AK5: variants seen among roughly 807,000 people sequenced by gnomAD.
AK5 encodes adenylate kinase 5, also known as adenylate kinase isoenzyme 5.
Under a neutral mutation model 69.5 loss-of-function variants are expected in AK5, and 27 were observed. The ratio of observed to expected loss-of-function variants is 0.39; its 90% CI spans 0.29 to 0.54. The LOEUF (loss-of-function observed/expected upper bound fraction) is 0.54, where lower values mean the gene tolerates loss of function less well. Ranked by LOEUF, AK5 falls within the 20% of genes least tolerant of loss-of-function variation. The pLI, the probability that AK5 is intolerant of heterozygous loss-of-function variation, is 0.71. For synonymous variants in AK5, 260 were observed against 244.4 expected (o/e 1.06, Z -0.60); for missense variants, 531 against 700.4 (o/e 0.76, Z 2.73).
At position 77,310,061 on chromosome 1, in the gene AK5, T is replaced by C. The variant is rs568570113; in HGVS notation, c.699+12114T>C. ...TATAGTTTTCTAGTTATTTTTAGTT[T>C]TGTTTTAAAGGTCCAGGTATTTATT... On this transcript the variant is annotated intron_variant, in intron 5 of 13. Coordinates refer to ENST00000354567, the MANE Select transcript of AK5 (RefSeq NM_174858.3). Among the ~76,000 whole-genome samples, 4 of 152,284 alleles carry C rather than the reference T, an allele frequency of 2.6e-5. No homozygotes were observed. The South Asian group carries it at 8.3e-4, about 32-fold the overall frequency.
At chr1:77,282,414 C>A in intron 1 of AK5, 41 bp downstream of exon 1, 1 of 1,529,884 alleles carries the variant, frequency 6.5e-7, no homozygotes, top group Non-Finnish European at 8.8e-7. Flanking sequence ...CATCCGGGGA[C>A]TGCATCTCAG....
In AK5 at chr1:77,374,418, CTTTT is replaced by C. The variant is rs34141642; in HGVS notation, c.891+33865_891+33868del. Among the ~76,000 whole-genome samples the C allele has an allele frequency of 9.4e-5, 13 of 138,788 alleles. No homozygotes were observed. In the South Asian group the frequency reaches 2.3e-3, roughly 25 times the overall value. The allele number at this position is 138,788 out of a possible 152,430, so 91.1% of individuals were successfully genotyped here. A position where few individuals can be genotyped will look rare whatever the true frequency, so the allele number is the denominator to read the frequency against. On this transcript the variant is annotated intron_variant, in intron 6 of 13. Coordinates refer to ENST00000354567, the MANE Select transcript of AK5 (RefSeq NM_174858.3). ...TCCTTTTATGCCAATTGAGGTAATG[CTTTT>C]TTTTTTTTTTTTTTAAGAACCAAGA...
At chr1:77,501,979 G>A (rs1334182611) in intron 10 of AK5, among the ~76,000 whole-genome samples, 1 of 152,188 alleles carries the variant, frequency 6.6e-6, no homozygotes, top group Non-Finnish European at 1.5e-5. Context: ...CAAGAAGTGA[G>A]TCTTGAACAT....
chr1:77,359,756 T>C (rs1412631769), intron 6 of AK5, among the ~76,000 whole-genome samples: 1 of 152,226 alleles, frequency 6.6e-6, no homozygotes, highest in East Asian at 1.9e-4. Flanking sequence ...CCCTATGTAA[T>C]TCGCTAGCTT....
intron 13 of AK5, among the ~76,000 whole-genome samples, chr1:77,548,379 T>G (rs1207528191): frequency 6.6e-6 from 1 of 152,198 alleles, no homozygotes; most frequent in Admixed American, 6.5e-5. Context: ...CTGCATTTGA[T>G]GATTTTCCCC....
At chr1:77,298,625 G>A (rs1659150566) in intron 5 of AK5, among the ~76,000 whole-genome samples, 3 of 141,100 alleles carry the variant, frequency 2.1e-5, no homozygotes, top group South Asian at 2.3e-4. Context: ...GCAATATGAC[G>A]AAACCCCATC....
chr1:77,451,453 G>T (rs544069631), intron 8 of AK5, among the ~76,000 whole-genome samples: 2 of 152,132 alleles, frequency 1.3e-5, no homozygotes, highest in African/African-American at 4.8e-5. Flanking sequence ...ATTGCAGAAC[G>T]CCTGTTTTTC....
At chr1:77,394,874 G>A (rs371045179) in intron 6 of AK5, among the ~76,000 whole-genome samples, 8 of 152,032 alleles carry the variant, frequency 5.3e-5, no homozygotes, top group Non-Finnish European at 1.2e-4. Flanking sequence ...ATGAGCTTGC[G>A]AATTCAAGAA....
chr1:77,370,401 T>C (rs1330996386), intron 6 of AK5, among the ~76,000 whole-genome samples: 2 of 152,118 alleles, frequency 1.3e-5, no homozygotes, highest in Admixed American at 6.6e-5. Context: ...CTACAGGCTC[T>C]CTCAAAGTAA....
chr1:77,421,228 C>G (rs1358206212), intron 8 of AK5, among the ~76,000 whole-genome samples: 1 of 152,104 alleles, frequency 6.6e-6, no homozygotes, highest in African/African-American at 2.4e-5. Flanking sequence ...ATATTTATTA[C>G]CTCATTTTAT....
At chr1:77,483,758 T>C (rs1004311138) in intron 9 of AK5, among the ~76,000 whole-genome samples, 3 of 152,232 alleles carry the variant, frequency 2.0e-5, no homozygotes, top group African/African-American at 7.2e-5. Context: ...TTAAACATAA[T>C]TGAAACACAA....
At position 77,492,144 on chromosome 1, in the gene AK5, T is replaced by C. The variant is rs77662960; in HGVS notation, c.1147+5792T>C. ...TTTCCCAAAACAAAAGCAAAAACCA[T>C]AGGTGTGCTAAAGGGCCTTATGCGT... is the stretch of plus-strand genomic sequence containing the variant. On this transcript the variant is annotated intron_variant, in intron 10 of 13. Coordinates refer to ENST00000354567, the MANE Select transcript of AK5 (RefSeq NM_174858.3). 9.7e-4 allele frequency among the ~76,000 whole-genome samples: 147 copies of C among 152,328 alleles called. 2 individuals carry two copies. The East Asian group carries it at 0.019, about 20-fold the overall frequency.
rs144526914 is a variant in AK5, at chr1:77,338,120, G to A, written c.700-2257G>A. On this transcript the variant is annotated intron_variant, in intron 5 of 13. Coordinates refer to ENST00000354567, the MANE Select transcript of AK5 (RefSeq NM_174858.3). ...GCTGGGACTACAGGCACACGCCATCGCACCCGGCTATTTTTTTTATTTTTA... is the reference window on the plus strand; with the variant it reads ...GCTGGGACTACAGGCACACGCCATCACACCCGGCTATTTTTTTTATTTTTA... 5.9e-3 allele frequency among the ~76,000 whole-genome samples: 890 copies of A among 151,964 alleles called. 12 individuals carry two copies. Among genetic ancestry groups the A allele is most frequent in the African/African-American group, 0.02 (845 of 41,478 alleles).
chr1:77,283,911 A>C (rs1658206463), intron 1 of AK5, among the ~76,000 whole-genome samples: 1 of 152,200 alleles, frequency 6.6e-6, no homozygotes, highest in Non-Finnish European at 1.5e-5. Flanking sequence ...TACATAGTAC[A>C]TCTTTTTTTC....
chr1:77,354,465 A>G (rs999825770), intron 6 of AK5, among the ~76,000 whole-genome samples: 1 of 152,242 alleles, frequency 6.6e-6, no homozygotes, highest in African/African-American at 2.4e-5. Flanking sequence ...TTGTAATGTG[A>G]TGCAGGCTAT....
chr1:77,486,423 C>T (rs1340901677), intron 10 of AK5, 71 bp downstream of exon 10: 44 of 1,168,502 alleles, frequency 3.8e-5, no homozygotes, highest in South Asian at 9.1e-5. Context: ...GGGCCAGGTG[C>T]GGTGGCTTAC....
chr1:77,543,326 A>G (rs147469500), intron 13 of AK5, among the ~76,000 whole-genome samples: 1 of 152,346 alleles, frequency 6.6e-6, no homozygotes, highest in East Asian at 1.9e-4. Flanking sequence ...TTACTTGTAT[A>G]CCTTGAATTC....
intron 1 of AK5, chr1:77,283,661 A>G: frequency 2.1e-6 from 2 of 970,100 alleles, no homozygotes; most frequent in Non-Finnish European, 2.5e-6. Context: ...CAAATCTAGC[A>G]AATGTGTTAC....
At chr1:77,554,377 T>C (rs1430122057) in intron 13 of AK5, among the ~76,000 whole-genome samples, 1 of 152,140 alleles carries the variant, frequency 6.6e-6, no homozygotes, top group Non-Finnish European at 1.5e-5. Flanking sequence ...AAAAGTGAGC[T>C]CAGATTTGGA....
Sources: allele counts gnomAD v4.1 joint callset (sites outside exome capture counted in the v4.1 genomes callset), GRCh38; gene constraint gnomAD v4.1.1; transcripts MANE v1.5; gene names NCBI Gene and HGNC (gene_info 2026-07-23, HGNC 2026-07-21).